GRID1: variants seen among roughly 807,000 people sequenced by gnomAD.
GRID1 encodes the protein glutamate ionotropic receptor delta type subunit 1, also known as glutamate receptor ionotropic, delta-1.
A neutral mutation model predicts 98.0 loss-of-function variants in GRID1; 28 were observed. That is an observed-to-expected ratio of 0.29 (90% CI 0.21 to 0.39). The LOEUF (loss-of-function observed/expected upper bound fraction) is 0.39. Among genes scored for constraint, GRID1 ranks in the 10% least tolerant of loss-of-function variants. The probability of loss-of-function intolerance (pLI) is 1.00; values close to 1 mark genes in which losing one functional copy is unlikely to be tolerated. For synonymous variants in GRID1, 553 were observed against 538.5 expected (o/e 1.03, Z -0.37); for missense variants, 1,111 against 1,340.5 (o/e 0.83, Z 2.67).
chr10:86,255,828 C>A (rs1036273793), intron 2 of GRID1, among the ~76,000 whole-genome samples: 81 of 152,110 alleles, frequency 5.3e-4, no homozygotes, highest in Admixed American at 2.0e-4. Flanking sequence ...CCCCAGGGGC[C>A]TCGCCTGGGC....
At chr10:86,012,404 G>A (rs1045896481) in intron 4 of GRID1, among the ~76,000 whole-genome samples, 2 of 152,122 alleles carry the variant, frequency 1.3e-5, no homozygotes, top group South Asian at 2.1e-4. Flanking sequence ...CAGAGGGGTC[G>A]TCAGAATGTT....
intron 2 of GRID1, among the ~76,000 whole-genome samples, chr10:86,248,969 C>G (rs1002508526): frequency 2.6e-5 from 4 of 152,184 alleles, no homozygotes; most frequent in Admixed American, 2.0e-4. Context: ...AGGGCCACCC[C>G]CACCCTCAGT....
chr10:85,970,228 C>T (rs943576708), intron 4 of GRID1, among the ~76,000 whole-genome samples: 1 of 152,010 alleles, frequency 6.6e-6, no homozygotes, highest in African/African-American at 2.4e-5. Context: ...CTGGCGAATT[C>T]TTTCAAATAT....
intron 4 of GRID1, among the ~76,000 whole-genome samples, chr10:86,024,912 C>T (rs1237708719): frequency 1.3e-5 from 2 of 152,114 alleles, no homozygotes; most frequent in African/African-American, 2.4e-5. Flanking sequence ...TGAGGCCAGT[C>T]ATCCTAGGAT....
chr10:85,988,265 G>T (rs1842636884), intron 4 of GRID1, among the ~76,000 whole-genome samples: 1 of 152,010 alleles, frequency 6.6e-6, no homozygotes, highest in Non-Finnish European at 1.5e-5. Flanking sequence ...TAATCTGTCT[G>T]ATCCTCAGGG....
rs114995579 is a variant in GRID1 at position 85,777,188 on chromosome 10, T to C, written c.1234-47574A>G. ...CCCTCTGCCCTAATAAGTGGGCATC[T>C]AAATCAGGGAGGTGGGGATGTTCCC... On this transcript the variant is annotated intron_variant, in intron 8 of 15. Coordinates refer to ENST00000327946, the MANE Select transcript of GRID1 (RefSeq NM_017551.3). Among the ~76,000 whole-genome samples the C allele has an allele frequency of 2.4e-3, 358 of 152,272 alleles. 1 individual carries two copies. Among genetic ancestry groups the C allele is most frequent in the African/African-American group, 8.4e-3 (347 of 41,538 alleles).
intron 8 of GRID1, among the ~76,000 whole-genome samples, chr10:85,741,543 T>C (rs1841942979): frequency 6.6e-6 from 1 of 152,096 alleles, no homozygotes; most frequent in Admixed American, 6.6e-5. Context: ...AAGAACAGTT[T>C]CTATATCAGG....
In GRID1 at chr10:85,735,296, TA is replaced by T. The variant is rs1841867823; in HGVS notation, c.1234-5683del. On this transcript the variant is annotated intron_variant, in intron 8 of 15. Coordinates refer to ENST00000327946, the MANE Select transcript of GRID1 (RefSeq NM_017551.3). ...TACTGCTGCTATTTGATAAGACAGC[TA>T]CGGTTTTCATTCATTGCTGAGATCT... 5.3e-5 allele frequency among the ~76,000 whole-genome samples: 8 copies of T among 152,310 alleles called. No homozygotes were observed. The South Asian group carries it at 1.7e-3, about 32-fold the overall frequency.
intron 2 of GRID1, among the ~76,000 whole-genome samples, chr10:86,342,347 T>C (rs185732932): frequency 1.3e-5 from 2 of 152,234 alleles, no homozygotes; most frequent in Admixed American, 6.5e-5. Context: ...CAGGTCCCAG[T>C]GATGCCTCTA....
intron 4 of GRID1, among the ~76,000 whole-genome samples, chr10:86,115,941 A>G (rs1844570424): frequency 6.6e-6 from 1 of 152,192 alleles, no homozygotes; most frequent in African/African-American, 2.4e-5. Context: ...TACATATACC[A>G]TTAGATATAC....
intron 8 of GRID1, among the ~76,000 whole-genome samples, chr10:85,776,137 T>C (rs1184851671): frequency 6.6e-6 from 1 of 152,166 alleles, no homozygotes; most frequent in Non-Finnish European, 1.5e-5. Flanking sequence ...ACCTCCACGT[T>C]CTTAACTACG....
chr10:85,883,839 G>A (rs190941902), intron 5 of GRID1, among the ~76,000 whole-genome samples: 231 of 152,180 alleles, frequency 1.5e-3, no homozygotes, highest in Non-Finnish European at 1.2e-3. Flanking sequence ...AAAACTCCCC[G>A]CTCCATGCAA....
intron 4 of GRID1, among the ~76,000 whole-genome samples, chr10:86,016,145 T>C (rs889544538): frequency 1.5e-4 from 22 of 146,648 alleles, no homozygotes; most frequent in Non-Finnish European, 3.2e-4. Flanking sequence ...AAGAGCACCA[T>C]CTTTTTTTTT....
At chr10:86,362,608 G>A (rs529055463) in intron 2 of GRID1, among the ~76,000 whole-genome samples, 3 of 152,168 alleles carry the variant, frequency 2.0e-5, no homozygotes, top group South Asian at 2.1e-4. Context: ...AGTAGTCCCC[G>A]GTCCCTGCCC....
At chr10:86,179,226 G>A (rs554524436) in intron 3 of GRID1, among the ~76,000 whole-genome samples, 2 of 152,036 alleles carry the variant, frequency 1.3e-5, no homozygotes, top group South Asian at 4.2e-4. Flanking sequence ...CCTGCCACCA[G>A]CTCACAAAGC....
At chr10:86,253,551 C>T (rs144057366) in intron 2 of GRID1, among the ~76,000 whole-genome samples, 13 of 152,184 alleles carry the variant, frequency 8.5e-5, no homozygotes, top group African/African-American at 1.4e-4. Context: ...CCCATCCGAA[C>T]ACTCCTCCCT....
chr10:85,843,584 C>G (rs1842979972), intron 8 of GRID1, among the ~76,000 whole-genome samples: 1 of 151,942 alleles, frequency 6.6e-6, no homozygotes. Flanking sequence ...TCTCAAAACT[C>G]AACAGTACAA....
At chr10:85,833,152 C>G (rs61025496) in intron 8 of GRID1, among the ~76,000 whole-genome samples, 1 of 152,158 alleles carries the variant, frequency 6.6e-6, no homozygotes, top group Non-Finnish European at 1.5e-5. Flanking sequence ...TTTTCTCCTC[C>G]ACCCAGTGTC....
intron 5 of GRID1, among the ~76,000 whole-genome samples, chr10:85,879,663 A>G (rs550024297): frequency 6.6e-6 from 1 of 152,306 alleles, no homozygotes; most frequent in South Asian, 2.1e-4. Context: ...CCCACAAGAG[A>G]AAGCAGGAAA....
Sources: gnomAD v4.1 joint callset for allele counts (sites outside exome capture counted in the v4.1 genomes callset) on GRCh38, gnomAD v4.1.1 for gene constraint, MANE v1.5 for transcripts, NCBI Gene and HGNC (gene_info 2026-07-23, HGNC 2026-07-21) for gene names.